The following SMG6 variants were observed in gnomAD, a reference collection of about 807,000 sequenced individuals.
SMG6 encodes SMG6 nonsense mediated mRNA decay factor.
Under a neutral mutation model 142.2 loss-of-function variants are expected in SMG6, and 66 were observed. The observed-to-expected ratio is 0.46, with a 90% CI of 0.38 to 0.57. SMG6 has a LOEUF of 0.57. SMG6 is among the 20% of genes least tolerant of loss of function. The pLI is 0.00. For synonymous variants in SMG6, 779 were observed against 702.4 expected (o/e 1.11, Z -1.72); for missense variants, 1,793 against 1,832.0 (o/e 0.98, Z 0.39).
Position 2,282,862 on chromosome 17 carries a change from A to C in SMG6, c.2449-3T>G. 6.2e-7 allele frequency: 1 copy of C among 1,614,014 alleles called. No individual in the cohort carries two copies. The highest frequency in any genetic ancestry group is 8.5e-7 in the Non-Finnish European group (1 of 1,179,928). ...TGCTTCTTTTCCATCTGTTCTGCCT[A>C]TATAACATACAAACACATTAGCTCA... On this transcript the variant is annotated splice_polypyrimidine_tract_variant and splice_region_variant and intron_variant, in intron 7 of 18. Coordinates refer to ENST00000263073, the MANE Select transcript of SMG6 (RefSeq NM_017575.5).
At chr17:2,168,825 T>C (rs2071418010) in intron 13 of SMG6, among the ~76,000 whole-genome samples, 1 of 151,998 alleles carries the variant, frequency 6.6e-6, no homozygotes. Flanking sequence ...CTTGGCTCAC[T>C]GCAACCTCTA....
intron 13 of SMG6, among the ~76,000 whole-genome samples, chr17:2,132,171 T>C (rs1016826898): frequency 2.6e-5 from 4 of 152,152 alleles, no homozygotes; most frequent in Non-Finnish European, 5.9e-5. Flanking sequence ...CCACGCCCAG[T>C]GAATTTATTT....
chr17:2,163,331 C>T (rs550589757), intron 13 of SMG6, among the ~76,000 whole-genome samples: 52 of 152,100 alleles, frequency 3.4e-4, no homozygotes, highest in Non-Finnish European at 5.1e-4. Context: ...GGACCACAGA[C>T]GGAGGCCACC....
At position 2,081,826 on chromosome 17, in the gene SMG6, C is replaced by A; in HGVS notation, c.3665G>T (p.Arg1222Leu). ...CGACTTCACCTGGATCTTTTCCTGG[C>A]GACGCTGCTGCTCAGCTATCTTCCT... ...LARKIAEQQR[R>L]QEKIQAVLED... The change falls in exon 15 of 19, where the codon CGC (arginine) becomes CTC (leucine). Residue 1222 changes from arginine (R) to leucine (L), a missense_variant. Transcript: ENST00000263073. 6.2e-7 allele frequency: 1 copy of A among 1,613,608 alleles called. No individual in the cohort carries two copies. The highest frequency in any genetic ancestry group is 8.5e-7 in the Non-Finnish European group (1 of 1,180,028).
At chr17:2,225,339 G>GA (rs1299267889) in intron 10 of SMG6, among the ~76,000 whole-genome samples, 1,650 of 134,272 alleles carry the variant, frequency 0.012, 10 homozygotes, top group African/African-American at 0.018. Context: ...AAGAAAAAAA[G>GA]AAAAAAAAAA....
At chr17:2,181,113 G>T (rs1032519993) in intron 12 of SMG6, among the ~76,000 whole-genome samples, 6 of 152,180 alleles carry the variant, frequency 3.9e-5, no homozygotes, top group Non-Finnish European at 1.5e-5. Context: ...TCTTCAATCT[G>T]TAAGGTCAGT....
chr17:2,149,449 A>G (rs1348577328), intron 13 of SMG6, among the ~76,000 whole-genome samples: 1 of 152,180 alleles, frequency 6.6e-6, no homozygotes, highest in Non-Finnish European at 1.5e-5. Flanking sequence ...TACTTAAAGA[A>G]TAAGACTAAT....
At chr17:2,203,373 G>A (rs543018056) in intron 10 of SMG6, among the ~76,000 whole-genome samples, 2 of 152,292 alleles carry the variant, frequency 1.3e-5, no homozygotes, top group Non-Finnish European at 2.9e-5. Context: ...TGGGGCCCAG[G>A]AGAACGAGGG....
In SMG6 at chr17:2,085,130, A is replaced by G. The variant is rs558663515; in HGVS notation, c.3534+595T>C. On this transcript the variant is annotated intron_variant, in intron 14 of 18. Transcript: ENST00000263073. This position sits in a 1 kb window ranked among gnomAD's most constrained non-coding sequence, Gnocchi z 4.1. ...CTCATGCATGTGCATGCGCGTGCGC[A>G]CACACACACACAGACGCGCACACAC... is the stretch of plus-strand genomic sequence containing the variant. Among the ~76,000 whole-genome samples, 396 of 151,932 alleles carry G rather than the reference A, an allele frequency of 2.6e-3. 6 individuals carry two copies. Among genetic ancestry groups the G allele is most frequent in the African/African-American group, 8.8e-3 (365 of 41,446 alleles).
intron 13 of SMG6, among the ~76,000 whole-genome samples, chr17:2,094,232 G>C (rs1343559242): frequency 6.6e-6 from 1 of 152,126 alleles, no homozygotes; most frequent in African/African-American, 2.4e-5. Flanking sequence ...AGGAGGCCCT[G>C]CAAACCCTGC....
At chr17:2,277,561 T>G (rs1451929522) in intron 8 of SMG6, among the ~76,000 whole-genome samples, 2 of 152,230 alleles carry the variant, frequency 1.3e-5, no homozygotes, top group African/African-American at 2.4e-5. Flanking sequence ...GAGAAAGTTT[T>G]TGAGGTTTGT....
chr17:2,298,179 G>C, intron 2 of SMG6, 124 bp from the exon 3 acceptor site: 1 of 770,046 alleles, frequency 1.3e-6, no homozygotes, highest in South Asian at 1.9e-5. Flanking sequence ...GACCAGGTAG[G>C]TATACTACTC....
At chr17:2,222,000 G>A (rs1213259817) in intron 10 of SMG6, among the ~76,000 whole-genome samples, 1 of 152,232 alleles carries the variant, frequency 6.6e-6, no homozygotes, top group Non-Finnish European at 1.5e-5. Context: ...CTCCCAAAGA[G>A]CTGGGATTAC....
intron 3 of SMG6, 126 bp from the exon 4 acceptor site, chr17:2,297,479 C>T (rs569638723): frequency 5.8e-5 from 40 of 684,606 alleles, no homozygotes; most frequent in East Asian, 8.1e-5. Flanking sequence ...AAGGGAGGCA[C>T]GCACAATATT....
At chr17:2,134,353 G>A (rs1416432938) in intron 13 of SMG6, among the ~76,000 whole-genome samples, 1 of 141,476 alleles carries the variant, frequency 7.1e-6, no homozygotes, top group Non-Finnish European at 1.5e-5. Flanking sequence ...AAGAGGCGAA[G>A]GTTGCAGTGA....
chr17:2,098,878 G>A (rs1247048449), intron 13 of SMG6, among the ~76,000 whole-genome samples: 2 of 152,070 alleles, frequency 1.3e-5, no homozygotes, highest in African/African-American at 2.4e-5. Context: ...TGATCCACCC[G>A]CCTCAGCCTC....
intron 6 of SMG6, among the ~76,000 whole-genome samples, chr17:2,284,846 T>C (rs1032111063): frequency 2.6e-5 from 4 of 152,208 alleles, no homozygotes; most frequent in Admixed American, 6.5e-5. Flanking sequence ...TAACAGAATA[T>C]TTGGCACACC....
chr17:2,268,725 T>C (rs201623457), intron 8 of SMG6, among the ~76,000 whole-genome samples: 520 of 127,578 alleles, frequency 4.1e-3, no homozygotes, highest in Middle Eastern at 0.033. Context: ...TCCTGGCTAA[T>C]ATGGTGAAAC....
chr17:2,207,011 C>T lies in SMG6; in HGVS notation c.2870-18496G>A, dbSNP rs959412689. ...AATAGGTCAGGCACGGTGGCTCATG[C>T]CTATAATCCCAGCACTTTGGGAAGC... is the stretch of plus-strand genomic sequence containing the variant. On this transcript the variant is annotated intron_variant, in intron 10 of 18. Transcript: ENST00000263073. Among the ~76,000 whole-genome samples the T allele has an allele frequency of 2.4e-4, 37 of 151,296 alleles. No homozygotes were observed. In the Middle Eastern group the frequency reaches 0.017, roughly 71 times the overall value.
Sources: allele counts gnomAD v4.1 joint callset (sites outside exome capture counted in the v4.1 genomes callset), GRCh38; gene constraint gnomAD v4.1.1; non-coding constraint Gnocchi (gnomAD v3.1); transcripts MANE v1.5; gene names NCBI Gene and HGNC (gene_info 2026-07-23, HGNC 2026-07-21).